Variants in KISS1R observed in about 807,000 individuals in gnomAD.
KISS1R encodes the protein KISS1 receptor, also known as kiSS-1 receptor.
Under a neutral mutation model 22.0 loss-of-function variants are expected in KISS1R, and 19 were observed. That is an observed-to-expected ratio of 0.86 (90% CI 0.60 to 1.26). The LOEUF (loss-of-function observed/expected upper bound fraction) is 1.26. Among genes scored for constraint, KISS1R ranks in the 50% most tolerant of loss-of-function variants. KISS1R has a pLI of 0.00. For missense variants in KISS1R, 653 were observed against 581.9 expected, an observed-to-expected ratio of 1.12 and a Z score of -1.26; for synonymous variants, 302 against 283.9, an observed-to-expected ratio of 1.06 and a Z score of -0.64.
At position 919,503 on chromosome 19, in the gene KISS1R, C is replaced by A; in HGVS notation, c.383C>A (p.Ala128Asp). The A allele has an allele frequency of 6.4e-7, 1 of 1,554,000 alleles. No homozygotes were observed. The highest frequency in any genetic ancestry group is 8.7e-7 in the Non-Finnish European group (1 of 1,155,144). Reference sequence around the variant, plus strand: ...CGGCTCCCGCAGGTCTCGGTGCAGGCCACGTGTGCCACTCTGACCGCCATG... The same window carrying A: ...CGGCTCCCGCAGGTCTCGGTGCAGGACACGTGTGCCACTCTGACCGCCATG... ...VNYIQQVSVQ[A>D]TCATLTAMSV... The change falls in exon 3 of 5, where the codon GCC (alanine) becomes GAC (aspartate). Residue 128 changes from alanine to aspartate, a missense_variant. By Grantham distance (126) the Ala-to-Asp change is moderately radical. Coordinates refer to ENST00000234371, the MANE Select transcript of KISS1R (RefSeq NM_032551.5).
In KISS1R at chr19:918,618, G is replaced by A; in HGVS notation, c.319G>A (p.Gly107Ser). The A allele has an allele frequency of 1.3e-6, 2 of 1,551,474 alleles. No individual in the cohort carries two copies. Among genetic ancestry groups the A allele is most frequent in the South Asian group, 1.2e-5 (1 of 84,104 alleles). ...PFTALLYPLPGWVLGDFMCKF... is the reference protein window; with the variant it reads ...PFTALLYPLPSWVLGDFMCKF... ...CACGGCCCTGCTGTACCCGCTGCCC[G>A]GCTGGGTGCTGGGCGACTTCATGTG... The change falls in exon 2 of 5, where the codon GGC becomes AGC. Residue 107 changes from glycine (G) to serine (S), a missense_variant. Transcript: ENST00000234371.
intron 2 of KISS1R, 21 bp downstream of exon 2, chr19:918,689 G>A (rs2037082417): frequency 1.3e-6 from 2 of 1,548,346 alleles, no homozygotes; most frequent in South Asian, 1.2e-5. Context: ...GAGCAGGAGG[G>A]GAGAGGGCGC....
In KISS1R at chr19:917,443, C is replaced by G; in HGVS notation, c.-60C>G. The G allele has an allele frequency of 7.2e-7, 1 of 1,383,190 alleles. No homozygotes were observed. The highest frequency in any genetic ancestry group is 2.6e-4 in the Middle Eastern group (1 of 3,878). The allele number at this position is 1,383,190 out of a possible 1,614,324, so 85.7% of individuals were successfully genotyped here. A position where few individuals can be genotyped will look rare whatever the true frequency, so the allele number is the denominator to read the frequency against. ...CCCGGGCGGTCGGGCGGAGGGGTCC[C>G]CGGGGCGGTGCCAGGGCGCAATCCT... On this transcript the variant is annotated 5_prime_UTR_variant, in exon 1 of 5. Transcript: ENST00000234371.
chr19:920,415 G>T lies in KISS1R; in HGVS notation c.864G>T (p.Leu288=). ...AGCTGTTCCTGGTGCTGCAGGCGCT[G>T]GGCCCCGCGGGCTCCTGGCACCCAC... is the stretch of plus-strand genomic sequence containing the variant. ...PIQLFLVLQA[L]GPAGSWHPRS... Residue 288 remains leucine (L), a synonymous_variant, in exon 5 of 5, where the codon CTG becomes CTT. Coordinates refer to ENST00000234371, the MANE Select transcript of KISS1R (RefSeq NM_032551.5). 6.2e-7 allele frequency: 1 copy of T among 1,606,658 alleles called. No individual in the cohort carries two copies. The highest frequency in any genetic ancestry group is 8.5e-7 in the Non-Finnish European group (1 of 1,178,356).
At chr19:917,998 A>T (rs1335940945) in intron 1 of KISS1R, among the ~76,000 whole-genome samples, 2 of 151,928 alleles carry the variant, frequency 1.3e-5, no homozygotes, top group Non-Finnish European at 2.9e-5. Context: ...CGACCTGGCC[A>T]CTCGCGGGGC....
chr19:919,728 G>A (rs1220340175), intron 3 of KISS1R, 103 bp downstream of exon 3: 1 of 1,513,634 alleles, frequency 6.6e-7, no homozygotes, highest in Non-Finnish European at 8.9e-7. Flanking sequence ...GAAAATGGGC[G>A]CAATAGCTCT....
Position 917,450 on chromosome 19 carries a change from G to A in KISS1R, c.-53G>A, listed in dbSNP as rs971479897. 20 of 1,385,772 alleles carry A rather than the reference G, an allele frequency of 1.4e-5. No individual in the cohort carries two copies. The highest frequency in any genetic ancestry group is 1.9e-5 in the Non-Finnish European group (20 of 1,078,080). 85.8% of individuals were successfully genotyped at this position (1,385,772 alleles called of 1,614,324 possible). ...GGTCGGGCGGAGGGGTCCCCGGGGC[G>A]GTGCCAGGGCGCAATCCTGGAGGGC... On this transcript the variant is annotated 5_prime_UTR_variant, in exon 1 of 5. Coordinates refer to ENST00000234371, the MANE Select transcript of KISS1R (RefSeq NM_032551.5).
In KISS1R at chr19:919,981, G is replaced by T. The variant is rs960767846; in HGVS notation, c.613G>T (p.Ala205Ser). 2 of 1,566,768 alleles carry T rather than the reference G, an allele frequency of 1.3e-6. No individual in the cohort carries two copies. The highest frequency in any genetic ancestry group is 8.6e-7 in the Non-Finnish European group (1 of 1,158,728). The change falls in exon 4 of 5, where the codon GCA becomes TCA. Residue 205 changes from alanine (A) to serine (S), a missense_variant. Physicochemically the swap from Ala to Ser is moderately conservative, Grantham distance 99. Transcript: ENST00000234371. Reference sequence around the variant, plus strand: ...CAGCCGCGCCCTGGAGCGCGCCTTCGCACTGTACAACCTGCTGGCGCTGTA... The same window carrying T: ...CAGCCGCGCCCTGGAGCGCGCCTTCTCACTGTACAACCTGCTGGCGCTGTA... ...FPSRALERAFALYNLLALYLL... is the reference protein window; with the variant it reads ...FPSRALERAFSLYNLLALYLL...
At chr19:919,239 C>T (rs1489254155) in intron 2 of KISS1R, among the ~76,000 whole-genome samples, 4 of 151,904 alleles carry the variant, frequency 2.6e-5, no homozygotes, top group East Asian at 1.9e-4. Context: ...CTCCATCCCA[C>T]GCAGCCCCCC....
At position 920,048 on chromosome 19, in the gene KISS1R, T is replaced by G; in HGVS notation, c.680T>G (p.Met227Arg). 6.5e-7 allele frequency: 1 copy of G among 1,534,960 alleles called. No individual in the cohort carries two copies. The change falls in exon 4 of 5, where the codon ATG (methionine) becomes AGG (arginine). Residue 227 changes from methionine to arginine, a missense_variant. By Grantham distance (91) the Met-to-Arg change is moderately conservative. Coordinates refer to ENST00000234371, the MANE Select transcript of KISS1R (RefSeq NM_032551.5). ...GCCACCTGCGCCTGCTATGCGGCCA[T>G]GCTGCGCCACCTGGGCCGGGTCGCC... The part of the protein sequence containing the change: ...LLATCACYAA[M>R]LRHLGRVAVR...
In KISS1R at chr19:920,448, C is replaced by T. The variant is rs1467963856; in HGVS notation, c.897C>T (p.Tyr299=). ...GPAGSWHPRS[Y]AAYALKTWAH... ...CGGGCTCCTGGCACCCACGCAGCTA[C>T]GCCGCCTACGCGCTTAAGACCTGGG... Residue 299 remains tyrosine (Y), a synonymous_variant, in exon 5 of 5, where the codon TAC becomes TAT. Coordinates refer to ENST00000234371, the MANE Select transcript of KISS1R (RefSeq NM_032551.5). 6.2e-7 allele frequency: 1 copy of T among 1,610,574 alleles called. No individual in the cohort carries two copies. Among genetic ancestry groups the T allele is most frequent in the Non-Finnish European group, 8.5e-7 (1 of 1,179,146 alleles).
rs550661887 is a variant in KISS1R, at chr19:918,986, G to C, written c.369+318G>C. Among the ~76,000 whole-genome samples, 4 of 150,774 alleles carry C rather than the reference G, an allele frequency of 2.7e-5. No individual in the cohort carries two copies. The South Asian group carries it at 6.4e-4, about 24-fold the overall frequency. On this transcript the variant is annotated intron_variant, in intron 2 of 4. Coordinates refer to ENST00000234371, the MANE Select transcript of KISS1R (RefSeq NM_032551.5). ...AGGAGAGGGGATGAGCTCCGGAGCGGGGGGCGGGCGCATGTGGGGAGGGGG... is the reference window on the plus strand; with the variant it reads ...AGGAGAGGGGATGAGCTCCGGAGCGCGGGGCGGGCGCATGTGGGGAGGGGG...
rs140811887 is a variant in KISS1R at position 919,532 on chromosome 19, G to A, written c.412G>A (p.Val138Met). ...ATCATLTAMS[V>M]DRWYVTVFPL... ...GTGTGCCACTCTGACCGCCATGAGTGTGGACCGCTGGTACGTGACGGTGTT... is the reference window on the plus strand; with the variant it reads ...GTGTGCCACTCTGACCGCCATGAGTATGGACCGCTGGTACGTGACGGTGTT... The change falls in exon 3 of 5, where the codon GTG becomes ATG. Residue 138 changes from valine (V) to methionine (M), a missense_variant. Physicochemically the swap from Val to Met is conservative, Grantham distance 21 (BLOSUM62 1). Transcript: ENST00000234371. 2.6e-6 allele frequency: 4 copies of A among 1,563,478 alleles called. No individual in the cohort carries two copies. Among genetic ancestry groups the A allele is most frequent in the Non-Finnish European group, 3.5e-6 (4 of 1,158,966 alleles).
chr19:920,604 C>A lies in KISS1R; in HGVS notation c.1053C>A (p.Pro351=). ...GCCGCCCCCGCCGCCCCCGCCGGCC[C>A]GGACCCTCGGACCCCGCAGCCCCAC... ...APRRPRRPRR[P]GPSDPAAPHA... is the part of the protein sequence containing the mutation. Residue 351 remains proline (P), a synonymous_variant, in exon 5 of 5, where the codon CCC becomes CCA. Transcript: ENST00000234371. 1 of 1,397,284 alleles carries A rather than the reference C, an allele frequency of 7.2e-7. No individual in the cohort carries two copies. Among genetic ancestry groups the A allele is most frequent in the South Asian group, 1.7e-5 (1 of 60,380 alleles). 86.6% of individuals were successfully genotyped at this position (1,397,284 alleles called of 1,614,324 possible). A position where few individuals can be genotyped will look rare whatever the true frequency, so the allele number is the denominator to read the frequency against.
At chr19:919,467 C>A in intron 2 of KISS1R, 23 bp from the exon 3 acceptor site, 4 of 1,541,722 alleles carry the variant, frequency 2.6e-6, no homozygotes, top group Non-Finnish European at 3.5e-6. Flanking sequence ...GGTGGCCACA[C>A]GCCCGGCTGG....
In KISS1R at chr19:917,740, T is replaced by TA; in HGVS notation, c.239dup (p.Tyr80Ter). 1.2e-6 allele frequency: 2 copies of TA among 1,604,304 alleles called. No homozygotes were observed. The highest frequency in any genetic ancestry group is 1.7e-6 in the Non-Finnish European group (2 of 1,175,448). ...HKPMRTVTNFYIANLAATDVT... is the reference protein window; with the variant it reads ...HKPMRTVTNF Reference sequence around the variant, plus strand: ...GCCGATGCGGACCGTGACCAACTTCTACATCGGTGAGTGCGGGCGCTGCGC... The same window carrying TA: ...GCCGATGCGGACCGTGACCAACTTCTAACATCGGTGAGTGCGGGCGCTGCGC... Residue 80 changes from tyrosine (Y) to a stop codon, truncating the protein, a stop_gained and frameshift_variant, in exon 1 of 5, where the codon TAC becomes TAAC. Coordinates refer to ENST00000234371, the MANE Select transcript of KISS1R (RefSeq NM_032551.5). LOFTEE classifies it high-confidence loss of function.
rs899808422 is a variant in KISS1R at position 918,412 on chromosome 19, G to T, written c.245-132G>T. 82 of 941,962 alleles carry T rather than the reference G, an allele frequency of 8.7e-5. No homozygotes were observed. The African/African-American group carries it at 2.6e-3, about 30-fold the overall frequency. 58.4% of individuals were successfully genotyped at this position (941,962 alleles called of 1,614,324 possible). On this transcript the variant is annotated intron_variant, in intron 1 of 4. Transcript: ENST00000234371. ...CGAGGAGGCCAGGGGCGCTGGGGGA[G>T]GGGGGGGCCTCCCTGAGCCATCCTG...
At chr19:918,730 G>GC in intron 2 of KISS1R, 62 bp downstream of exon 2, 1 of 1,517,882 alleles carries the variant, frequency 6.6e-7, no homozygotes, top group Non-Finnish European at 8.8e-7. Context: ...GCGCTCCGCA[G>GC]TGGGAGGGGA....
intron 1 of KISS1R, among the ~76,000 whole-genome samples, 191 bp from the exon 2 acceptor site, chr19:918,353 G>C (rs2037076870): frequency 6.6e-6 from 1 of 151,920 alleles, no homozygotes. Context: ...AGATGTAAGG[G>C]GGAATTACTA....
Sources: gnomAD v4.1 joint callset for allele counts (sites outside exome capture counted in the v4.1 genomes callset) on GRCh38, gnomAD v4.1.1 for gene constraint, MANE v1.5 for transcripts, NCBI Gene and HGNC (gene_info 2026-07-23, HGNC 2026-07-21) for gene names.